The following NELL2 variants were observed in gnomAD, a reference collection of about 807,000 sequenced individuals.
NELL2 encodes the protein protein kinase C-binding protein NELL2.
Under a neutral mutation model 109.6 loss-of-function variants are expected in NELL2, and 41 were observed. The observed-to-expected ratio is 0.37, with a 90% confidence interval of 0.29 to 0.49. The LOEUF is 0.49. NELL2 is among the 20% of genes least tolerant of loss of function. NELL2 has a pLI of 0.98. For missense variants in NELL2, 900 were observed against 1,008.3 expected (o/e 0.89, Z 1.45); for synonymous variants, 355 against 344.7 (o/e 1.03, Z -0.33).
chr12:44,871,314 T>C (rs1005246282), intron 2 of NELL2, among the ~76,000 whole-genome samples: 6 of 152,220 alleles, frequency 3.9e-5, no homozygotes, highest in Non-Finnish European at 5.9e-5. Context: ...TATGTAATTG[T>C]TCAACGGCTA....
intron 14 of NELL2, among the ~76,000 whole-genome samples, chr12:44,609,998 C>A (rs1945550569): frequency 6.6e-6 from 1 of 151,880 alleles, no homozygotes; most frequent in African/African-American, 2.4e-5. Flanking sequence ...AAAAGGTCTT[C>A]TATTTCCCTT....
intron 13 of NELL2, among the ~76,000 whole-genome samples, chr12:44,641,689 CTTTTTTTTTTTT>C (rs71093817): frequency 2.5e-5 from 2 of 80,626 alleles, no homozygotes; most frequent in Non-Finnish European, 4.5e-5. Context: ...CTAGTTTCTC[CTTTTTTTTTTTT>C]TTTTTTTTTT....
At chr12:44,740,294 C>T (rs1939882034) in intron 9 of NELL2, among the ~76,000 whole-genome samples, 2 of 152,086 alleles carry the variant, frequency 1.3e-5, no homozygotes, top group Non-Finnish European at 2.9e-5. Context: ...TCCTTTATTA[C>T]TCTGGGTGTA....
At chr12:44,544,746 A>G (rs568353821) in intron 15 of NELL2, among the ~76,000 whole-genome samples, 14 of 152,240 alleles carry the variant, frequency 9.2e-5, no homozygotes, top group Admixed American at 2.6e-4. Context: ...TAGTAATGAT[A>G]TGAAGTATGA....
At chr12:44,671,624 C>T (rs1948141054) in intron 12 of NELL2, among the ~76,000 whole-genome samples, 2 of 152,062 alleles carry the variant, frequency 1.3e-5, no homozygotes, top group African/African-American at 4.8e-5. Flanking sequence ...TCATAAAAGA[C>T]TATTATGAAT....
chr12:44,711,917 G>A (rs549548876), intron 10 of NELL2, among the ~76,000 whole-genome samples: 6 of 152,136 alleles, frequency 3.9e-5, no homozygotes, highest in African/African-American at 9.6e-5. Flanking sequence ...GTAAATTAAT[G>A]TCTAGCACAT....
chr12:44,884,808 T>C (rs1235532367), intron 1 of NELL2, among the ~76,000 whole-genome samples: 1 of 152,050 alleles, frequency 6.6e-6, no homozygotes, highest in Non-Finnish European at 1.5e-5. Context: ...TTATATCCAC[T>C]GATGAAAACA....
chr12:44,651,430 C>T (rs1378445235), intron 13 of NELL2, among the ~76,000 whole-genome samples: 2 of 152,142 alleles, frequency 1.3e-5, no homozygotes, highest in South Asian at 4.1e-4. Context: ...ATACACTTTG[C>T]AATAAATTAA....
At chr12:44,603,598 G>A (rs150805550) in intron 15 of NELL2, among the ~76,000 whole-genome samples, 1 of 152,168 alleles carries the variant, frequency 6.6e-6, no homozygotes, top group Non-Finnish European at 1.5e-5. Context: ...ACACCTGATG[G>A]AATCTTAGGA....
chr12:44,875,148 G>A, intron 2 of NELL2, 77 bp downstream of exon 2: 1 of 1,540,300 alleles, frequency 6.5e-7, no homozygotes, highest in Non-Finnish European at 8.8e-7. Context: ...TACAAAGTTA[G>A]GACAAGCGGC....
intron 13 of NELL2, among the ~76,000 whole-genome samples, chr12:44,638,056 C>A (rs1486929297): frequency 2.0e-5 from 3 of 152,046 alleles, no homozygotes; most frequent in Admixed American, 6.6e-5. Flanking sequence ...TCCAGTAACT[C>A]TTTCACTCTC....
intron 1 of NELL2, among the ~76,000 whole-genome samples, chr12:44,901,936 G>A (rs1393858673): frequency 6.6e-6 from 1 of 152,096 alleles, no homozygotes; most frequent in South Asian, 2.1e-4. Context: ...CAAACCCACA[G>A]CCAATATTAT....
chr12:44,803,928 A>G (rs1942916849), intron 3 of NELL2, among the ~76,000 whole-genome samples: 1 of 151,996 alleles, frequency 6.6e-6, no homozygotes, highest in Non-Finnish European at 1.5e-5. Context: ...AATTCTTGAA[A>G]ATGTGCATAG....
chr12:44,784,801 T>G lies in NELL2; in HGVS notation c.336-4779A>C, dbSNP rs556280046. ...AAAAACATATGATTATCTCAATAGA[T>G]GCAGAAAAGGGCTTCGATAAAATTC... is the stretch of plus-strand genomic sequence containing the variant. On this transcript the variant is annotated intron_variant, in intron 3 of 19. Coordinates refer to ENST00000429094, the MANE Select transcript of NELL2 (RefSeq NM_001145108.2). Among the ~76,000 whole-genome samples, 12 of 152,324 alleles carry G rather than the reference T, an allele frequency of 7.9e-5. 1 individual carries two copies. The South Asian group carries it at 2.5e-3, about 32-fold the overall frequency.
intron 9 of NELL2, among the ~76,000 whole-genome samples, chr12:44,727,825 T>G (rs1447451714): frequency 2.0e-5 from 3 of 152,080 alleles, no homozygotes; most frequent in Non-Finnish European, 1.5e-5. Context: ...ATTGCCAAAA[T>G]TAACCTTCTC....
intron 2 of NELL2, among the ~76,000 whole-genome samples, chr12:44,851,163 TATAATAGAAACACCTGAATCC>T (rs1419902619): frequency 2.6e-5 from 4 of 152,274 alleles, no homozygotes; most frequent in African/African-American, 9.6e-5. Flanking sequence ...GTTATTGCTT[TATAATAGAAACACCTGAATCC>T]ATCTGGTCAA....
chr12:44,734,331 C>CT (rs1217420131), intron 9 of NELL2, among the ~76,000 whole-genome samples: 1 of 151,872 alleles, frequency 6.6e-6, no homozygotes, highest in Non-Finnish European at 1.5e-5. Flanking sequence ...TGCTCTTTCA[C>CT]TTTCAACCTT....
intron 13 of NELL2, among the ~76,000 whole-genome samples, chr12:44,646,989 A>G (rs1392222364): frequency 6.6e-6 from 1 of 152,212 alleles, no homozygotes; most frequent in African/African-American, 2.4e-5. Context: ...TAAAAAATGC[A>G]TATAAAGCGT....
chr12:44,627,440 A>AAAG (rs1192294833), intron 13 of NELL2, among the ~76,000 whole-genome samples: 25 of 152,132 alleles, frequency 1.6e-4, no homozygotes, highest in African/African-American at 6.0e-4. Flanking sequence ...AAAAAAAAAA[A>AAAG]AAATCAGAAC....
Sources: allele counts gnomAD v4.1 joint callset (sites outside exome capture counted in the v4.1 genomes callset), GRCh38; gene constraint gnomAD v4.1.1; transcripts MANE v1.5; gene names NCBI Gene and HGNC (gene_info 2026-07-23, HGNC 2026-07-21).